The following ACBD7 variants were observed in gnomAD, a reference collection of about 807,000 sequenced individuals.
The protein encoded by ACBD7 is acyl-CoA binding domain containing 7, also known as acyl-CoA-binding domain-containing protein 7.
A neutral mutation model predicts 13.7 loss-of-function variants in ACBD7; 11 were observed. That is an observed-to-expected ratio of 0.80 (90% CI 0.50 to 1.33). The LOEUF is 1.33. Ranked by LOEUF, ACBD7 falls within the 40% of genes most tolerant of loss-of-function variation. The pLI is 0.00. For synonymous variants in ACBD7, 43 were observed against 37.7 expected (o/e 1.14, Z -0.51); for missense variants, 111 against 103.0 (o/e 1.08, Z -0.33).
intron 1 of ACBD7, among the ~76,000 whole-genome samples, chr10:15,083,916 T>C (rs1373702550): frequency 2.0e-5 from 3 of 152,230 alleles, no homozygotes; most frequent in Admixed American, 6.5e-5. Context: ...CAGATGGGCA[T>C]GCACAAGGCA....
intron 1 of ACBD7, among the ~76,000 whole-genome samples, chr10:15,082,534 TATA>T (rs759419173): frequency 3.9e-5 from 6 of 152,306 alleles, no homozygotes; most frequent in Middle Eastern, 3.4e-3. Flanking sequence ...GGATTGTGTT[TATA>T]ATAAGAACAA....
At chr10:15,083,984 G>A (rs1456153337) in intron 1 of ACBD7, among the ~76,000 whole-genome samples, 1 of 152,186 alleles carries the variant, frequency 6.6e-6, no homozygotes, top group Non-Finnish European at 1.5e-5. Context: ...GGTGACCACA[G>A]GGGACTTGCT....
intron 1 of ACBD7, among the ~76,000 whole-genome samples, chr10:15,080,151 C>A (rs2131393910): frequency 6.6e-6 from 1 of 152,196 alleles, no homozygotes; most frequent in African/African-American, 2.4e-5. Context: ...CCACACTAGA[C>A]CTAAATTATA....
intron 1 of ACBD7, among the ~76,000 whole-genome samples, chr10:15,081,574 C>T (rs1360954333): frequency 1.3e-5 from 2 of 152,226 alleles, no homozygotes; most frequent in Admixed American, 1.3e-4. Context: ...CTGGAAAACT[C>T]TGTAATTTTG....
chr10:15,088,531 C>T, intron 1 of ACBD7, 186 bp downstream of exon 1: 1 of 815,680 alleles, frequency 1.2e-6, no homozygotes, highest in Non-Finnish European at 1.8e-6. Context: ...GCCCTGGGAG[C>T]CCTGGCTCGC....
At chr10:15,087,454 G>A (rs1199563898) in intron 1 of ACBD7, among the ~76,000 whole-genome samples, 2 of 152,168 alleles carry the variant, frequency 1.3e-5, no homozygotes, top group African/African-American at 2.4e-5. Context: ...AGTGAGCCAC[G>A]TTCTATGAAA....
At position 15,080,058 on chromosome 10, in the gene ACBD7, AT is replaced by A. The variant is rs1844733115; in HGVS notation, c.13-1019del. Among the ~76,000 whole-genome samples, 6 of 151,992 alleles carry A rather than the reference AT, an allele frequency of 3.9e-5. No homozygotes were observed. In the South Asian group the frequency reaches 1.2e-3, roughly 32 times the overall value. On this transcript the variant is annotated intron_variant, in intron 1 of 3. Coordinates refer to ENST00000356189, the MANE Select transcript of ACBD7 (RefSeq NM_001039844.3). ...AGTGCCCTCATGCCTACATTCTTTA[AT>A]ATCAGTATTATTTAGACCTAGCCAG...
chr10:15,088,621 G>A, intron 1 of ACBD7, 96 bp downstream of exon 1: 3 of 1,495,670 alleles, frequency 2.0e-6, no homozygotes, highest in South Asian at 2.4e-5. Flanking sequence ...GGTCACCGCC[G>A]ACCGCTCCCA....
chr10:15,078,337 T>C lies in ACBD7; in HGVS notation c.*193A>G. 7.0e-7 allele frequency: 1 copy of C among 1,430,474 alleles called. No homozygotes were observed. Among genetic ancestry groups the C allele is most frequent in the South Asian group, 1.6e-5 (1 of 64,472 alleles). The allele number at this position is 1,430,474 out of a possible 1,614,324, so 88.6% of individuals were successfully genotyped here. ...GCCACATTTTCTTAAAAAGAACTTT[T>C]AAAGACACCTGGTTTAAGCAAGTAC... On this transcript the variant is annotated 3_prime_UTR_variant, in exon 4 of 4. Transcript: ENST00000356189.
chr10:15,084,735 TCTGA>T (rs1364842449), intron 1 of ACBD7, among the ~76,000 whole-genome samples: 3 of 152,166 alleles, frequency 2.0e-5, no homozygotes, highest in Non-Finnish European at 2.9e-5. Context: ...TCACGATCAG[TCTGA>T]CTGGTTGGGG....
chr10:15,088,432 A>G (rs985002213), intron 1 of ACBD7: 2 of 501,326 alleles, frequency 4.0e-6, no homozygotes, highest in Non-Finnish European at 7.0e-6. Context: ...CCTCTCGGAG[A>G]CGGAGAGGAG....
chr10:15,086,806 G>C lies in ACBD7; in HGVS notation c.12+1911C>G, dbSNP rs145609728. 5.9e-3 allele frequency among the ~76,000 whole-genome samples: 899 copies of C among 152,246 alleles called. 6 individuals are homozygous for C. The highest frequency in any genetic ancestry group is 0.034 in the Middle Eastern group (10 of 294). On this transcript the variant is annotated intron_variant, in intron 1 of 3. Coordinates refer to ENST00000356189, the MANE Select transcript of ACBD7 (RefSeq NM_001039844.3). ...AGGCGGGCAGATCACCTGAGGTCAG[G>C]AGTTTGAGACCACCCTGACCAACAT...
intron 1 of ACBD7, among the ~76,000 whole-genome samples, chr10:15,082,474 A>T (rs985458391): frequency 1.3e-5 from 2 of 152,182 alleles, no homozygotes; most frequent in Non-Finnish European, 2.9e-5. Context: ...CTGGCAAGTT[A>T]TGTAGTTTTA....
intron 1 of ACBD7, among the ~76,000 whole-genome samples, chr10:15,081,968 T>C (rs12266875): frequency 0.023 from 3,444 of 152,270 alleles, 148 homozygotes; most frequent in African/African-American, 0.079. Flanking sequence ...CTGCCTTGAT[T>C]GGAATCTCAA....
At position 15,077,728 on chromosome 10, in the gene ACBD7, C is replaced by A. The variant is rs1334170584; in HGVS notation, c.*802G>T. On this transcript the variant is annotated 3_prime_UTR_variant, in exon 4 of 4. Coordinates refer to ENST00000356189, the MANE Select transcript of ACBD7 (RefSeq NM_001039844.3). The stretch of plus-strand genomic sequence containing the variant: ...TCTCTACTAAAAATACAAAAATTAG[C>A]CAGCCATGGTGGCAAGCACCTGTAA... The A allele has an allele frequency of 6.6e-6, 1 of 152,204 alleles. No homozygotes were observed. The highest frequency in any genetic ancestry group is 2.4e-5 in the African/African-American group (1 of 41,422). The allele number at this position is 152,204 out of a possible 1,614,324, so 9.4% of individuals were successfully genotyped here. A position where few individuals can be genotyped will look rare whatever the true frequency, so the allele number is the denominator to read the frequency against.
chr10:15,079,648 G>A (rs371190795), intron 1 of ACBD7, among the ~76,000 whole-genome samples: 12 of 151,144 alleles, frequency 7.9e-5, no homozygotes, highest in Middle Eastern at 3.4e-3. Flanking sequence ...GCAAGATCTC[G>A]GATCACTGCA....
chr10:15,081,159 CACTG>C (rs1374523963), intron 1 of ACBD7, among the ~76,000 whole-genome samples: 2 of 151,988 alleles, frequency 1.3e-5, no homozygotes, highest in Non-Finnish European at 2.9e-5. Flanking sequence ...ACCGTTTCAG[CACTG>C]ACTGAGTGGT....
At chr10:15,086,971 C>A (rs11259472) in intron 1 of ACBD7, among the ~76,000 whole-genome samples, 43,126 of 149,570 alleles carry the variant, frequency 0.29, 7,945 homozygotes, top group African/African-American at 0.53. Context: ...CAAGATTGCG[C>A]CATTGCACTC....
Position 15,077,522 on chromosome 10 carries a change from C to A in ACBD7, c.*1008G>T, listed in dbSNP as rs1045679490. On this transcript the variant is annotated 3_prime_UTR_variant, in exon 4 of 4. Transcript: ENST00000356189. ...GCAATTACCTTTTGGGTACAATGTA[C>A]AGTATTTTGGTGATGGTTACACTAA... 1 of 151,998 alleles carries A rather than the reference C, an allele frequency of 6.6e-6. No homozygotes were observed. Among genetic ancestry groups the A allele is most frequent in the Admixed American group, 6.6e-5 (1 of 15,210 alleles). The allele number at this position is 151,998 out of a possible 1,614,324, so 9.4% of individuals were successfully genotyped here.
Sources: gnomAD v4.1 joint callset for allele counts (sites outside exome capture counted in the v4.1 genomes callset) on GRCh38, gnomAD v4.1.1 for gene constraint, MANE v1.5 for transcripts, NCBI Gene and HGNC (gene_info 2026-07-23, HGNC 2026-07-21) for gene names.